Variants in ARHGEF12 observed in about 807,000 individuals in gnomAD.
ARHGEF12 encodes Rho guanine nucleotide exchange factor 12, also known as KMT2A/ARHGEF12 fusion protein.
A neutral mutation model predicts 211.2 loss-of-function variants in ARHGEF12; 66 were observed. The ratio of observed to expected loss-of-function variants is 0.31; its 90% CI spans 0.26 to 0.38. The LOEUF is 0.38. ARHGEF12 is among the 10% of genes least tolerant of loss of function. The pLI, the probability that ARHGEF12 is intolerant of heterozygous loss-of-function variation, is 1.00. For missense variants in ARHGEF12, 1,429 were observed against 1,869.5 expected (o/e 0.76, Z 4.34); for synonymous variants, 592 against 638.4 (o/e 0.93, Z 1.09).
At chr11:120,458,339 T>G in intron 25 of ARHGEF12, 105 bp downstream of exon 25, 1 of 1,364,792 alleles carries the variant, frequency 7.3e-7, no homozygotes, top group Non-Finnish European at 1.0e-6. Context: ...TCCTAGCCTT[T>G]TGTTTTAAAC....
chr11:120,357,738 T>G (rs2135344746), intron 1 of ARHGEF12, among the ~76,000 whole-genome samples: 1 of 152,236 alleles, frequency 6.6e-6, no homozygotes, highest in African/African-American at 2.4e-5. Context: ...GCTGGCTAAT[T>G]TCTGTATTTT....
At chr11:120,484,729 TTC>T (rs1034848072) in intron 40 of ARHGEF12, among the ~76,000 whole-genome samples, 5 of 152,208 alleles carry the variant, frequency 3.3e-5, no homozygotes, top group Non-Finnish European at 2.9e-5. Flanking sequence ...CCATCCCCTC[TTC>T]TCTCTCTTTT....
chr11:120,479,454 C>G (rs1424935637), intron 37 of ARHGEF12, among the ~76,000 whole-genome samples: 1 of 152,114 alleles, frequency 6.6e-6, no homozygotes, highest in Non-Finnish European at 1.5e-5. Context: ...TTGGCCCATT[C>G]AAAATTAAAT....
At chr11:120,347,179 C>CT (rs1555090022) in intron 1 of ARHGEF12, among the ~76,000 whole-genome samples, 3 of 95,410 alleles carry the variant, frequency 3.1e-5, no homozygotes, top group Non-Finnish European at 4.7e-5. Context: ...TTCCTTCCTT[C>CT]CTTCCTTTCT....
intron 32 of ARHGEF12, 47 bp from the exon 33 acceptor site, chr11:120,475,293 G>A (rs372552589): frequency 5.0e-5 from 76 of 1,531,002 alleles, no homozygotes; most frequent in South Asian, 7.0e-5. Flanking sequence ...AATCAAACGC[G>A]TCTCCATTTC....
At position 120,487,066 on chromosome 11, in the gene ARHGEF12, A is replaced by G. The variant is rs549300267; in HGVS notation, c.*1989A>G. 42 of 217,218 alleles carry G rather than the reference A, an allele frequency of 1.9e-4. 1 individual carries two copies. Among genetic ancestry groups the G allele is most frequent in the Non-Finnish European group, 2.8e-5 (3 of 107,768 alleles). 13.5% of individuals were successfully genotyped at this position (217,218 alleles called of 1,614,324 possible). A position where few individuals can be genotyped will look rare whatever the true frequency, so the allele number is the denominator to read the frequency against. On this transcript the variant is annotated 3_prime_UTR_variant, in exon 41 of 41. Transcript: ENST00000397843. ...AATGTCATTCTCAATTAAAAGGGTTACACCTGTAGCCACTTGACACTAACA... is the reference window on the plus strand; with the variant it reads ...AATGTCATTCTCAATTAAAAGGGTTGCACCTGTAGCCACTTGACACTAACA...
intron 7 of ARHGEF12, among the ~76,000 whole-genome samples, chr11:120,425,353 T>TG (rs1442382476): frequency 2.7e-5 from 4 of 149,334 alleles, no homozygotes; most frequent in African/African-American, 7.4e-5. Flanking sequence ...TTTTTTTTTT[T>TG]TTGTTTGTTT....
rs1403212586 is a variant in ARHGEF12 at position 120,347,266 on chromosome 11, C to CTGTG, written c.32+9994_32+9995insGTGT. Among the ~76,000 whole-genome samples, 72 of 133,592 alleles carry CTGTG rather than the reference C, an allele frequency of 5.4e-4. 1 individual carries two copies. The highest frequency in any genetic ancestry group is 1.8e-3 in the African/African-American group (60 of 33,070). 87.6% of individuals were successfully genotyped at this position (133,592 alleles called of 152,430 possible). On this transcript the variant is annotated intron_variant, in intron 1 of 40. Coordinates refer to ENST00000397843, the MANE Select transcript of ARHGEF12 (RefSeq NM_015313.3). Reference sequence around the variant, plus strand: ...TCTGTTTCTCTCTCTCTCTCTCTCTCTGTCTGTGTGTGTGTGTGTGTGTGT... The same window carrying CTGTG: ...TCTGTTTCTCTCTCTCTCTCTCTCTCTGTGTGTCTGTGTGTGTGTGTGTGTGTGT...
intron 1 of ARHGEF12, among the ~76,000 whole-genome samples, chr11:120,345,186 T>C (rs530170843): frequency 1.2e-3 from 178 of 152,292 alleles, no homozygotes; most frequent in Non-Finnish European, 2.0e-3. Flanking sequence ...GAAAGAGGGA[T>C]GAGGAAGGGG....
intron 1 of ARHGEF12, among the ~76,000 whole-genome samples, chr11:120,351,149 A>G (rs557984704): frequency 1.3e-5 from 2 of 151,438 alleles, no homozygotes; most frequent in African/African-American, 4.9e-5. Flanking sequence ...GGAAATCGAG[A>G]CCATTCTGGC....
At position 120,443,123 on chromosome 11, in the gene ARHGEF12, GT is replaced by G. The variant is rs548796053; in HGVS notation, c.1302+922del. Among the ~76,000 whole-genome samples the G allele has an allele frequency of 7.8e-4, 118 of 150,660 alleles. 2 individuals are homozygous for G. The Middle Eastern group carries it at 0.021, about 26-fold the overall frequency. On this transcript the variant is annotated intron_variant, in intron 15 of 40. Coordinates refer to ENST00000397843, the MANE Select transcript of ARHGEF12 (RefSeq NM_015313.3). ...TGGAAGCTCTGCCTCCTGGGCTCAA[GT>G]GATCCTCCTGCCTCAGCCTCCCAAG... is the stretch of plus-strand genomic sequence containing the variant.
chr11:120,469,374 G>A lies in ARHGEF12; in HGVS notation c.2941G>A (p.Ala981Thr). The A allele has an allele frequency of 6.2e-7, 1 of 1,611,720 alleles. No homozygotes were observed. The highest frequency in any genetic ancestry group is 1.1e-5 in the South Asian group (1 of 90,616). ...LNYVNQAVKE[A>T]ENKQRLEDYQ... The stretch of plus-strand genomic sequence containing the variant: ...TTATGTAAATCAGGCTGTCAAGGAG[G>A]CAGAAAACAAGCAGGTAAAAAAGGA... The change falls in exon 30 of 41, where the codon GCA (alanine) becomes ACA (threonine). Residue 981 changes from alanine to threonine, a missense_variant. Ala to Thr is a moderately conservative substitution (Grantham distance 58). This residue lies in a region of ARHGEF12 where 223 missense variants were observed against 444.6 expected (regional missense o/e 0.50). Transcript: ENST00000397843.
At chr11:120,468,409 A>G (rs2135943431) in intron 29 of ARHGEF12, among the ~76,000 whole-genome samples, 1 of 152,318 alleles carries the variant, frequency 6.6e-6, no homozygotes, top group African/African-American at 2.4e-5. Flanking sequence ...TGTATTATAG[A>G]CATGACATAG....
chr11:120,440,966 A>C (rs1318751648), intron 13 of ARHGEF12, among the ~76,000 whole-genome samples: 1 of 152,088 alleles, frequency 6.6e-6, no homozygotes, highest in Non-Finnish European at 1.5e-5. Flanking sequence ...ATTGTCTATT[A>C]ATATGGTAAG....
chr11:120,342,432 C>T (rs926588583), intron 1 of ARHGEF12, among the ~76,000 whole-genome samples: 1 of 152,164 alleles, frequency 6.6e-6, no homozygotes, highest in Non-Finnish European at 1.5e-5. Context: ...ATGCTCTCCT[C>T]CCATTTTATG....
At chr11:120,353,159 G>T (rs1384845882) in intron 1 of ARHGEF12, among the ~76,000 whole-genome samples, 2 of 152,164 alleles carry the variant, frequency 1.3e-5, no homozygotes, top group Non-Finnish European at 2.9e-5. Flanking sequence ...ACACTCAAAA[G>T]CTTGGGGACA....
chr11:120,428,368 T>C (rs1945416780), intron 8 of ARHGEF12, 121 bp downstream of exon 8: 1 of 829,794 alleles, frequency 1.2e-6, no homozygotes, highest in East Asian at 3.1e-5. Flanking sequence ...TAGAAAATGA[T>C]TTACTAATAT....
At position 120,445,468 on chromosome 11, in the gene ARHGEF12, A is replaced by G; in HGVS notation, c.1345+4A>G. 1.2e-6 allele frequency: 2 copies of G among 1,613,960 alleles called. No individual in the cohort carries two copies. Among genetic ancestry groups the G allele is most frequent in the Non-Finnish European group, 1.7e-6 (2 of 1,179,808 alleles). Reference sequence around the variant, plus strand: ...GATGAAATGTCTGCAGATCTAGGTAAGCTTGGAGCACTAACATCCTGGAGA... The same window carrying G: ...GATGAAATGTCTGCAGATCTAGGTAGGCTTGGAGCACTAACATCCTGGAGA... On this transcript the variant is annotated splice_donor_region_variant and intron_variant, in intron 16 of 40. Coordinates refer to ENST00000397843, the MANE Select transcript of ARHGEF12 (RefSeq NM_015313.3).
chr11:120,484,418 C>CTATGGGTTT lies in ARHGEF12; in HGVS notation c.4555-16_4555-8dup. 6.2e-7 allele frequency: 1 copy of CTATGGGTTT among 1,609,142 alleles called. No homozygotes were observed. The highest frequency in any genetic ancestry group is 1.1e-5 in the South Asian group (1 of 90,218). On this transcript the variant is annotated intron_variant, in intron 39 of 40. Coordinates refer to ENST00000397843, the MANE Select transcript of ARHGEF12 (RefSeq NM_015313.3). Reference sequence around the variant, plus strand: ...GTTTCATTACGTTTGAATAAAAAACCTATGGGTTTTATTTCACAGAAGGTG... The same window carrying CTATGGGTTT: ...GTTTCATTACGTTTGAATAAAAAACCTATGGGTTTTATGGGTTTTATTTCACAGAAGGTG...
Sources: allele counts gnomAD v4.1 joint callset (sites outside exome capture counted in the v4.1 genomes callset), GRCh38; gene constraint gnomAD v4.1.1; regional missense constraint gnomAD v4.1.1; transcripts MANE v1.5; gene names NCBI Gene and HGNC (gene_info 2026-07-23, HGNC 2026-07-21).